CSMD1: variants seen among roughly 807,000 people sequenced by gnomAD.
CSMD1 encodes CUB and Sushi multiple domains 1.
CSMD1 carries 213 observed loss-of-function variants against 417.5 expected under a neutral mutation model. The observed-to-expected ratio is 0.51, with a 90% CI of 0.46 to 0.57. The LOEUF is 0.57. CSMD1 is among the 20% of genes least tolerant of loss of function. CSMD1 has a pLI of 0.00. For missense variants in CSMD1, 6,923 were observed against 4,529.7 expected, an observed-to-expected ratio of 1.53 and a Z score of -15.17; for synonymous variants, 2,862 against 1,736.8, an observed-to-expected ratio of 1.65 and a Z score of -16.11.
chr8:4,387,265 A>C (rs1422357280), intron 3 of CSMD1, among the ~76,000 whole-genome samples: 3 of 152,206 alleles, frequency 2.0e-5, no homozygotes, highest in Admixed American at 6.5e-5. Context: ...CTTAAGCTAT[A>C]GGAGCAGACT....
intron 3 of CSMD1, among the ~76,000 whole-genome samples, chr8:4,336,906 A>G (rs771258995): frequency 2.0e-5 from 3 of 152,124 alleles, no homozygotes; most frequent in Admixed American, 6.6e-5. Flanking sequence ...CCTAATTTCC[A>G]TAATAAATAA....
intron 3 of CSMD1, among the ~76,000 whole-genome samples, chr8:4,391,700 G>C (rs1214632503): frequency 6.6e-6 from 1 of 152,140 alleles, no homozygotes; most frequent in Admixed American, 6.5e-5. Context: ...GCCACCACCA[G>C]CTTCCCCATG....
intron 1 of CSMD1, among the ~76,000 whole-genome samples, chr8:4,987,007 G>A (rs1217634229): frequency 1.3e-5 from 2 of 151,980 alleles, no homozygotes; most frequent in Non-Finnish European, 2.9e-5. Flanking sequence ...AATGCATATA[G>A]TATACATCAG....
intron 1 of CSMD1, among the ~76,000 whole-genome samples, chr8:4,927,122 T>G (rs188573090): frequency 2.0e-5 from 3 of 147,782 alleles, no homozygotes; most frequent in Non-Finnish European, 4.5e-5. Flanking sequence ...ATTATTATTA[T>G]TAAGATAGAC....
rs538938287 is a variant in CSMD1 at position 3,160,937 on chromosome 8, T to C, written c.5844+1222A>G. Among the ~76,000 whole-genome samples the C allele has an allele frequency of 1.1e-3, 169 of 152,350 alleles. 2 individuals carry two copies. Among genetic ancestry groups the C allele is most frequent in the African/African-American group, 3.9e-3 (164 of 41,596 alleles). Reference sequence around the variant, plus strand: ...TTTACCCCAATGTACATGCAGAAACTGAATTCCACACAGTGCTGTTATTTC... The same window carrying C: ...TTTACCCCAATGTACATGCAGAAACCGAATTCCACACAGTGCTGTTATTTC... On this transcript the variant is annotated intron_variant, in intron 38 of 69. Coordinates refer to ENST00000635120, the MANE Select transcript of CSMD1 (RefSeq NM_033225.6).
intron 3 of CSMD1, among the ~76,000 whole-genome samples, chr8:4,121,498 T>C (rs1802485506): frequency 6.6e-6 from 1 of 152,146 alleles, no homozygotes; most frequent in Admixed American, 6.5e-5. Context: ...TTTCTCACTA[T>C]AATAATATTA....
At chr8:3,199,479 T>A (rs1201897713) in intron 33 of CSMD1, among the ~76,000 whole-genome samples, 2 of 152,178 alleles carry the variant, frequency 1.3e-5, no homozygotes, top group African/African-American at 2.4e-5. Flanking sequence ...TCCCTTCTAG[T>A]GCCTGATAAA....
chr8:3,970,519 G>C (rs1813006405), intron 5 of CSMD1, among the ~76,000 whole-genome samples: 2 of 152,160 alleles, frequency 1.3e-5, no homozygotes. Context: ...AAGGACTCCA[G>C]GAGGACGATT....
intron 5 of CSMD1, among the ~76,000 whole-genome samples, chr8:3,841,656 A>G (rs1418388517): frequency 6.6e-6 from 1 of 152,020 alleles, no homozygotes; most frequent in Non-Finnish European, 1.5e-5. Context: ...GGTTCAAATA[A>G]AAAAAAACCA....
In CSMD1 at chr8:4,711,727, G is replaced by C. The variant is rs1808311078; in HGVS notation, c.86-74169C>G. On this transcript the variant is annotated intron_variant, in intron 1 of 69. Coordinates refer to ENST00000635120, the MANE Select transcript of CSMD1 (RefSeq NM_033225.6). ...TAAAAACAATTTCAATATAATTCCA[G>C]AATTTCCTTCAGTTTGGTGTGTTTA... Among the ~76,000 whole-genome samples the C allele has an allele frequency of 1.3e-5, 2 of 151,962 alleles. 1 individual carries two copies. Among genetic ancestry groups the C allele is most frequent in the South Asian group, 4.1e-4 (2 of 4,824 alleles).
At chr8:3,741,993 T>TA (rs1554528205) in intron 6 of CSMD1, among the ~76,000 whole-genome samples, 46 of 151,820 alleles carry the variant, frequency 3.0e-4, no homozygotes, top group Middle Eastern at 3.4e-3. Flanking sequence ...TTTTTTTTTT[T>TA]AACCCTGCAA....
At chr8:3,515,834 A>G (rs1367367126) in intron 10 of CSMD1, among the ~76,000 whole-genome samples, 2 of 152,244 alleles carry the variant, frequency 1.3e-5, no homozygotes, top group Non-Finnish European at 2.9e-5. Context: ...TATTATACAT[A>G]CGGAAAGAAA....
chr8:4,355,381 T>A (rs76007263), intron 3 of CSMD1, among the ~76,000 whole-genome samples: 11 of 151,366 alleles, frequency 7.3e-5, no homozygotes, highest in Non-Finnish European at 1.6e-4. Flanking sequence ...TCTACAAAAA[T>A]GACGCGTTAA....
intron 3 of CSMD1, among the ~76,000 whole-genome samples, chr8:4,158,816 T>C (rs1796983965): frequency 6.6e-6 from 1 of 152,194 alleles, no homozygotes; most frequent in Non-Finnish European, 1.5e-5. Context: ...TCATATGGGA[T>C]GATGTAGAAT....
chr8:3,762,900 A>G (rs1034703640), intron 5 of CSMD1, among the ~76,000 whole-genome samples: 15 of 152,206 alleles, frequency 9.9e-5, no homozygotes, highest in African/African-American at 3.1e-4. Context: ...CTGCTACTGA[A>G]TAAAATCAAC....
chr8:3,396,480 T>C, intron 16 of CSMD1, 99 bp from the exon 17 acceptor site: 3 of 764,486 alleles, frequency 3.9e-6, no homozygotes, highest in South Asian at 2.0e-5. Context: ...CCCATGTACG[T>C]TAACATGAAG....
intron 49 of CSMD1, among the ~76,000 whole-genome samples, chr8:3,062,904 A>T (rs530365915): frequency 1.3e-5 from 2 of 152,328 alleles, no homozygotes; most frequent in East Asian, 3.9e-4. Flanking sequence ...AGAGACAGGT[A>T]CAAACATTTT....
In CSMD1 at chr8:4,348,771, G is replaced by A. The variant is rs538798697; in HGVS notation, c.415+71182C>T. Among the ~76,000 whole-genome samples the A allele has an allele frequency of 1.6e-4, 25 of 152,216 alleles. No homozygotes were observed. The South Asian group carries it at 4.6e-3, about 28-fold the overall frequency. ...GTTAAAATTGTAGAAAATAAACTAC[G>A]AATGTGACTTTCTTTCAATCCCTTA... On this transcript the variant is annotated intron_variant, in intron 3 of 69. Transcript: ENST00000635120.
At chr8:3,362,005 T>C (rs905436834) in intron 20 of CSMD1, among the ~76,000 whole-genome samples, 2 of 152,196 alleles carry the variant, frequency 1.3e-5, no homozygotes, top group African/African-American at 2.4e-5. Flanking sequence ...AAGAAAAGTG[T>C]ATTGCCTTCA....
Sources: gnomAD v4.1 joint callset for allele counts (sites outside exome capture counted in the v4.1 genomes callset) on GRCh38, gnomAD v4.1.1 for gene constraint, MANE v1.5 for transcripts, NCBI Gene and HGNC (gene_info 2026-07-23, HGNC 2026-07-21) for gene names.